Variants in PROS1 observed in about 807,000 individuals in gnomAD.
The protein encoded by PROS1 is vitamin K-dependent protein S.
A neutral mutation model predicts 75.9 loss-of-function variants in PROS1; 29 were observed. The ratio of observed to expected loss-of-function variants is 0.38; its 90% CI spans 0.28 to 0.52. The LOEUF is 0.52. PROS1 is among the 20% of genes least tolerant of loss of function. The pLI, the probability that PROS1 is intolerant of heterozygous loss-of-function variation, is 0.83. For missense variants in PROS1, 680 were observed against 810.3 expected, an observed-to-expected ratio of 0.84 and a Z score of 1.95; for synonymous variants, 245 against 280.6, an observed-to-expected ratio of 0.87 and a Z score of 1.27.
At chr3:93,970,379 C>T (rs1709858318) in intron 1 of PROS1, among the ~76,000 whole-genome samples, 1 of 152,130 alleles carries the variant, frequency 6.6e-6, no homozygotes, top group South Asian at 2.1e-4. Context: ...CTCTATCACC[C>T]AGGCTGGAGT....
At chr3:93,889,976 G>C (rs183267405) in intron 10 of PROS1, among the ~76,000 whole-genome samples, 4 of 152,240 alleles carry the variant, frequency 2.6e-5, no homozygotes, top group Admixed American at 2.0e-4. Flanking sequence ...TTCTTGCAGA[G>C]AGCCTACAAA....
At chr3:93,889,931 C>T (rs759034355) in intron 10 of PROS1, among the ~76,000 whole-genome samples, 3 of 152,112 alleles carry the variant, frequency 2.0e-5, no homozygotes, top group African/African-American at 4.8e-5. Context: ...GGTCTGACTG[C>T]GTGCAGGGTC....
At chr3:93,899,735 TAG>T (rs1230202477) in intron 7 of PROS1, among the ~76,000 whole-genome samples, 1 of 152,120 alleles carries the variant, frequency 6.6e-6, no homozygotes, top group African/African-American at 2.4e-5. Flanking sequence ...GGCAACTTCA[TAG>T]AGACAGAAAA....
intron 13 of PROS1, 99 bp downstream of exon 13, chr3:93,879,064 T>A (rs1708237451): frequency 8.2e-7 from 1 of 1,225,242 alleles, no homozygotes; most frequent in African/African-American, 1.5e-5. Flanking sequence ...GTTACTTTAT[T>A]TAATCTTCAA....
intron 8 of PROS1, among the ~76,000 whole-genome samples, chr3:93,897,021 A>G (rs1217407693): frequency 1.3e-5 from 2 of 152,172 alleles, no homozygotes; most frequent in Non-Finnish European, 2.9e-5. Flanking sequence ...TTCTTTAATT[A>G]ACAGTCAGGT....
chr3:93,914,782 G>C (rs945149285), intron 3 of PROS1, among the ~76,000 whole-genome samples: 2 of 152,100 alleles, frequency 1.3e-5, no homozygotes, highest in African/African-American at 4.8e-5. Flanking sequence ...TACCCAAGCA[G>C]TGTACACTGT....
intron 4 of PROS1, 24 bp downstream of exon 4, chr3:93,910,595 T>C (rs2107177759): frequency 6.3e-7 from 1 of 1,586,272 alleles, no homozygotes; most frequent in East Asian, 2.2e-5. Flanking sequence ...TTTTGTTTTT[T>C]CAATTGATGG....
chr3:93,967,240 C>T lies in PROS1; in HGVS notation c.76+6434G>A, dbSNP rs150960056. Among the ~76,000 whole-genome samples, 822 of 152,214 alleles carry T rather than the reference C, an allele frequency of 5.4e-3. 4 individuals carry two copies. Among genetic ancestry groups the T allele is most frequent in the African/African-American group, 0.016 (677 of 41,538 alleles). On this transcript the variant is annotated intron_variant, in intron 1 of 14. Transcript: ENST00000394236. Reference sequence around the variant, plus strand: ...TATCACATAGTTCAATCAGATTATCCGGTAGATTGTTGATTAAGAAGGGCT... The same window carrying T: ...TATCACATAGTTCAATCAGATTATCTGGTAGATTGTTGATTAAGAAGGGCT...
chr3:93,885,709 G>A (rs1358793167), intron 11 of PROS1, among the ~76,000 whole-genome samples: 2 of 152,196 alleles, frequency 1.3e-5, no homozygotes, highest in Non-Finnish European at 2.9e-5. Flanking sequence ...CTTTTAAAGT[G>A]TATTAATTTC....
chr3:93,873,437 A>G lies in PROS1; in HGVS notation c.*808T>C, dbSNP rs1431301739. The G allele has an allele frequency of 6.6e-6, 1 of 152,212 alleles. No individual in the cohort carries two copies. Among genetic ancestry groups the G allele is most frequent in the Non-Finnish European group, 1.5e-5 (1 of 68,024 alleles). The allele number at this position is 152,212 out of a possible 1,614,324, so 9.4% of individuals were successfully genotyped here. ...CTCTGGTAATTAAAAGTTGGATTCA[A>G]GGAAAACTATGAACTCCCACATTTG... On this transcript the variant is annotated 3_prime_UTR_variant, in exon 15 of 15. Transcript: ENST00000394236.
At chr3:93,902,458 G>T (rs1708609484) in intron 6 of PROS1, among the ~76,000 whole-genome samples, 1 of 152,112 alleles carries the variant, frequency 6.6e-6, no homozygotes, top group South Asian at 2.1e-4. Flanking sequence ...TGACTGAAAG[G>T]TTGTATTCTT....
At chr3:93,945,827 G>A (rs1399524706) in intron 1 of PROS1, among the ~76,000 whole-genome samples, 3 of 152,110 alleles carry the variant, frequency 2.0e-5, no homozygotes, top group Non-Finnish European at 4.4e-5. Context: ...GGCAGGAGAA[G>A]GAAATAAAGG....
At chr3:93,962,461 A>G (rs754070648) in intron 1 of PROS1, among the ~76,000 whole-genome samples, 4 of 152,206 alleles carry the variant, frequency 2.6e-5, no homozygotes, top group Non-Finnish European at 4.4e-5. Context: ...CTTCTGTTAC[A>G]GTTTCATACT....
At chr3:93,932,937 T>G (rs756542778) in intron 1 of PROS1, among the ~76,000 whole-genome samples, 4 of 152,174 alleles carry the variant, frequency 2.6e-5, no homozygotes, top group Non-Finnish European at 5.9e-5. Context: ...CCTCTGAAGC[T>G]CTTCCATTTT....
In PROS1 at chr3:93,884,891, G is replaced by T; in HGVS notation, c.1329C>A (p.Asn443Lys). The T allele has an allele frequency of 6.2e-7, 1 of 1,612,302 alleles. No homozygotes were observed. The highest frequency in any genetic ancestry group is 8.5e-7 in the Non-Finnish European group (1 of 1,179,102). ...TTCGTATACATCCATCTAGACGAGG[G>T]TTAATCTAACAAATTAAAATACAAG... ...KVESELIKPI[N>K]PRLDGCIRSW... The change falls in exon 12 of 15, where the codon AAC becomes AAA. Residue 443 changes from asparagine (N) to lysine (K), a missense_variant. Transcript: ENST00000394236.
Position 93,973,681 on chromosome 3 carries a change from C to T in PROS1, c.69G>A (p.Glu23=), listed in dbSNP as rs1709917882. 6.2e-7 allele frequency: 1 copy of T among 1,613,888 alleles called. No individual in the cohort carries two copies. The highest frequency in any genetic ancestry group is 1.7e-5 in the Admixed American group (1 of 59,992). ...ACGCTATTGATTACTCACAGTTTGC[C>T]TCTGAGACGGGAAGCACTAGGAGGA... ...ACLLLVLPVS[E]ANFLSKQQAS... is the part of the protein sequence containing the mutation. Residue 23 remains glutamate, a synonymous_variant, in exon 1 of 15, where the codon GAG becomes GAA. Transcript: ENST00000394236.
intron 1 of PROS1, among the ~76,000 whole-genome samples, chr3:93,963,688 G>A (rs1056237645): frequency 7.6e-6 from 1 of 132,000 alleles, no homozygotes; most frequent in African/African-American, 2.5e-5. Flanking sequence ...GGCCAGAATG[G>A]GAGCGCGAGC....
At position 93,906,117 on chromosome 3, in the gene PROS1, G is replaced by T; in HGVS notation, c.373C>A (p.Pro125Thr). The T allele has an allele frequency of 6.2e-7, 1 of 1,613,718 alleles. No homozygotes were observed. Among genetic ancestry groups the T allele is most frequent in the Non-Finnish European group, 8.5e-7 (1 of 1,179,926 alleles). Residue 125 changes from proline to threonine, a missense_variant, in exon 5 of 15, where the codon CCA becomes ACA. Coordinates refer to ENST00000394236, the MANE Select transcript of PROS1 (RefSeq NM_000313.4). ...CTCATATATCCATCTTCATTGCATG[G>T]CAGAGGACTACACTGGTCTGGAATG... ...NAIPDQCSPL[P>T]CNEDGYMSCK...
intron 9 of PROS1, among the ~76,000 whole-genome samples, chr3:93,894,241 A>G (rs1708471484): frequency 6.6e-6 from 1 of 152,170 alleles, no homozygotes; most frequent in South Asian, 2.1e-4. Context: ...CTCAAATGGA[A>G]CAAAGAAAAG....
Sources: gnomAD v4.1 joint callset for allele counts (sites outside exome capture counted in the v4.1 genomes callset) on GRCh38, gnomAD v4.1.1 for gene constraint, MANE v1.5 for transcripts, NCBI Gene and HGNC (gene_info 2026-07-23, HGNC 2026-07-21) for gene names.